NTRK1: variants seen among roughly 807,000 people sequenced by gnomAD.
NTRK1 encodes neurotrophic receptor tyrosine kinase 1.
In NTRK1, 62 loss-of-function variants were observed where a neutral mutation model predicts 86.8. The observed-to-expected ratio is 0.71, with a 90% confidence interval of 0.58 to 0.88. The LOEUF is 0.88. Among genes scored for constraint, NTRK1 ranks in the 40% least tolerant of loss-of-function variants. NTRK1 has a pLI of 0.00. For missense variants in NTRK1, 967 were observed against 1,078.4 expected, an observed-to-expected ratio of 0.90 and a Z score of 1.45; for synonymous variants, 469 against 456.6, an observed-to-expected ratio of 1.03 and a Z score of -0.35.
chr1:156,838,499 C>T (rs555160283), intron 1 of NTRK1, among the ~76,000 whole-genome samples: 5 of 152,132 alleles, frequency 3.3e-5, no homozygotes, highest in African/African-American at 1.2e-4. Flanking sequence ...ATCCTTCCTT[C>T]TCCAGGTCAA....
intron 2 of NTRK1, chr1:156,846,176 C>G: frequency 6.7e-7 from 1 of 1,491,926 alleles, no homozygotes; most frequent in African/African-American, 1.4e-5. Flanking sequence ...TGAATACTAT[C>G]TAGTAATGAG....
rs777306969 is a variant in NTRK1 at position 156,880,079 on chromosome 1, C to A, written c.2127C>A (p.Asp709Glu). The change falls in exon 16 of 17, where the codon GAC (aspartate) becomes GAA (glutamate). Residue 709 changes from aspartate to glutamate, a missense_variant. Transcript: ENST00000524377. ...ACCGTAAGTTCACCACCGAGAGCGA[C>A]GTGTGGAGCTTCGGCGTGGTGCTCT... is the stretch of plus-strand genomic sequence containing the variant. ...ILYRKFTTESDVWSFGVVLWE... is the reference protein window; with the variant it reads ...ILYRKFTTESEVWSFGVVLWE... 6.2e-7 allele frequency: 1 copy of A among 1,613,824 alleles called. No individual in the cohort carries two copies. The highest frequency in any genetic ancestry group is 2.2e-5 in the East Asian group (1 of 44,868).
At chr1:156,875,962 C>G in intron 12 of NTRK1, 118 bp from the exon 13 acceptor site, 1 of 1,487,828 alleles carries the variant, frequency 6.7e-7, no homozygotes, top group Non-Finnish European at 9.4e-7. Context: ...TTTTAGCCCC[C>G]ATGCAGTCCC....
chr1:156,861,677 T>C (rs1371671151), intron 1 of NTRK1, among the ~76,000 whole-genome samples: 1 of 152,294 alleles, frequency 6.6e-6, no homozygotes, highest in East Asian at 1.9e-4. Context: ...TGAGCTCTCC[T>C]CTTTCCATTT....
intron 2 of NTRK1, chr1:156,846,404 C>T: frequency 3.4e-6 from 3 of 889,992 alleles, no homozygotes; most frequent in Non-Finnish European, 5.2e-6. Flanking sequence ...TCTGGCCTTC[C>T]AGCCTCTGTG....
At chr1:156,868,715 G>A in intron 6 of NTRK1, 68 bp downstream of exon 6, 1 of 1,536,136 alleles carries the variant, frequency 6.5e-7, no homozygotes, top group Non-Finnish European at 8.8e-7. Flanking sequence ...GATGGGGAAA[G>A]AGAGACACAC....
intron 1 of NTRK1, among the ~76,000 whole-genome samples, chr1:156,822,826 C>G (rs1571639675): frequency 6.6e-6 from 1 of 151,896 alleles, no homozygotes; most frequent in East Asian, 1.9e-4. Flanking sequence ...TGGTAGCAGC[C>G]CATTAACAGT....
At position 156,876,159 on chromosome 1, in the gene NTRK1, T is replaced by C. The variant is rs1437908100; in HGVS notation, c.1581T>C (p.Ala527=). Reference sequence around the variant, plus strand: ...GCGCCTTTGGGAAGGTCTTCCTTGCTGAGTGCCACAACCTCCTGCCTGAGC... The same window carrying C: ...GCGCCTTTGGGAAGGTCTTCCTTGCCGAGTGCCACAACCTCCTGCCTGAGC... ...GEGAFGKVFL[A]ECHNLLPEQD... The change falls in exon 13 of 17, where the codon GCT becomes GCC. Residue 527 remains alanine, a synonymous_variant. Transcript: ENST00000524377. 1 of 1,614,062 alleles carries C rather than the reference T, an allele frequency of 6.2e-7. No individual in the cohort carries two copies. The highest frequency in any genetic ancestry group is 1.3e-5 in the African/African-American group (1 of 74,918).
intron 1 of NTRK1, chr1:156,840,969 C>T (rs1654756191): frequency 6.2e-7 from 1 of 1,613,758 alleles, no homozygotes; most frequent in South Asian, 1.1e-5. Context: ...CCCGGGCCCC[C>T]CGGCATTCCG....
intron 1 of NTRK1, chr1:156,816,590 G>A: frequency 2.8e-6 from 4 of 1,443,120 alleles, no homozygotes; most frequent in Non-Finnish European, 2.8e-6. Context: ...CATCCCTGAA[G>A]TGGGAGCTCA....
chr1:156,824,502 G>A (rs1654272172), intron 1 of NTRK1, among the ~76,000 whole-genome samples: 1 of 152,190 alleles, frequency 6.6e-6, no homozygotes, highest in South Asian at 2.1e-4. Context: ...CTTGCGCCTG[G>A]TTTGAATGTA....
rs113254828 is a variant in NTRK1 at position 156,826,980 on chromosome 1, C to A, written c.-64+11142C>A. On this transcript the variant is annotated intron_variant, in intron 1 of 16. Transcript: ENST00000392302. ...CTATTTAGTAAACACGGATTCTATG[C>A]CTACAGTTCACCAAACATGCAAAAG... Among the ~76,000 whole-genome samples, 1,348 of 152,306 alleles carry A rather than the reference C, an allele frequency of 8.9e-3. 26 individuals carry two copies. Among genetic ancestry groups the A allele is most frequent in the African/African-American group, 0.031 (1,297 of 41,554 alleles).
Position 156,842,917 on chromosome 1 carries a change from C to A in NTRK1, c.50+724C>A, listed in dbSNP as rs545506314. On this transcript the variant is annotated intron_variant, in intron 2 of 16. Coordinates refer to the NTRK1 transcript ENST00000392302. ...GGTCCCAATCTTGACCTTAATGGTG[C>A]CCTAACCTCATCTCTGACCCTTTCT... is the stretch of plus-strand genomic sequence containing the variant. The A allele has an allele frequency of 3.8e-4, 392 of 1,039,388 alleles. 2 individuals carry two copies. The African/African-American group carries it at 5.3e-3, about 14-fold the overall frequency. 64.4% of individuals were successfully genotyped at this position (1,039,388 alleles called of 1,614,324 possible). A position where few individuals can be genotyped will look rare whatever the true frequency, so the allele number is the denominator to read the frequency against.
At chr1:156,824,788 C>A (rs974789943) in intron 1 of NTRK1, among the ~76,000 whole-genome samples, 1 of 152,316 alleles carries the variant, frequency 6.6e-6, no homozygotes, top group East Asian at 1.9e-4. Context: ...CCAAAGACTC[C>A]ATCCTTTATC....
intron 2 of NTRK1, chr1:156,853,863 A>G: frequency 6.2e-7 from 1 of 1,613,854 alleles, no homozygotes; most frequent in African/African-American, 1.3e-5. Context: ...ACGTCAGCAC[A>G]CTCCTCGCCC....
At chr1:156,824,295 C>A (rs1212062862) in intron 1 of NTRK1, among the ~76,000 whole-genome samples, 1 of 152,158 alleles carries the variant, frequency 6.6e-6, no homozygotes, top group African/African-American at 2.4e-5. Context: ...CCTTCAGACA[C>A]CTCCCGAGTG....
At chr1:156,852,543 G>A (rs923583455) in intron 2 of NTRK1, among the ~76,000 whole-genome samples, 13 of 152,230 alleles carry the variant, frequency 8.5e-5, no homozygotes, top group African/African-American at 1.7e-4. Context: ...CAGGGTGAGC[G>A]GGCCAGCCTC....
In NTRK1 at chr1:156,832,261, A is replaced by G. The variant is rs117091473; in HGVS notation, c.-63-9820A>G. On this transcript the variant is annotated intron_variant, in intron 1 of 16. Coordinates refer to the NTRK1 transcript ENST00000392302. Reference sequence around the variant, plus strand: ...GTTGTCATTAATTCATCAAGCATCTATTTGAAGCCTAGAATGTGCTGGAGT... The same window carrying G: ...GTTGTCATTAATTCATCAAGCATCTGTTTGAAGCCTAGAATGTGCTGGAGT... Among the ~76,000 whole-genome samples, 396 of 152,260 alleles carry G rather than the reference A, an allele frequency of 2.6e-3. 11 individuals are homozygous for G. The East Asian group carries it at 0.032, about 12-fold the overall frequency.
intron 2 of NTRK1, among the ~76,000 whole-genome samples, chr1:156,850,534 CTT>C (rs35237064): frequency 3.4e-3 from 198 of 58,550 alleles, no homozygotes; most frequent in African/African-American, 0.01. Flanking sequence ...TTAAAACATT[CTT>C]TTTTTTTTTT....
Sources: allele counts gnomAD v4.1 joint callset (sites outside exome capture counted in the v4.1 genomes callset), GRCh38; gene constraint gnomAD v4.1.1; transcripts MANE v1.5; gene names NCBI Gene and HGNC (gene_info 2026-07-23, HGNC 2026-07-21).